The following ZNF808 variants were observed in gnomAD, a reference collection of about 807,000 sequenced individuals.
ZNF808 encodes zinc finger protein 808.
Under a neutral mutation model 8.7 loss-of-function variants are expected in ZNF808, and 5 were observed. The ratio of observed to expected loss-of-function variants is 0.58; its 90% CI spans 0.30 to 1.21. The LOEUF (loss-of-function observed/expected upper bound fraction) is 1.21. Among genes scored for constraint, ZNF808 ranks in the 50% most tolerant of loss-of-function variants. The pLI, the probability that ZNF808 is intolerant of heterozygous loss-of-function variation, is 0.07. For missense variants in ZNF808, 1,103 were observed against 1,098.4 expected (o/e 1.00, Z -0.06); for synonymous variants, 380 against 366.0 (o/e 1.04, Z -0.44).
intron 1 of ZNF808, among the ~76,000 whole-genome samples, chr19:52,531,167 C>T (rs908652024): frequency 6.6e-6 from 1 of 152,090 alleles, no homozygotes; most frequent in African/African-American, 2.4e-5. Flanking sequence ...TCTTTAATGT[C>T]TCCCTTTATA....
At chr19:52,558,354 G>C (rs547153588), downstream of ZNF808, among the ~76,000 whole-genome samples, 39 of 149,546 alleles carry the variant, frequency 2.6e-4, no homozygotes, top group African/African-American at 9.6e-4. Context: ...GAGCCACCGC[G>C]CCCGGCATCT....
intron 4 of ZNF808, among the ~76,000 whole-genome samples, chr19:52,552,394 A>G (rs2059786105): frequency 6.6e-6 from 1 of 151,062 alleles, no homozygotes; most frequent in South Asian, 2.1e-4. Flanking sequence ...TTAGAAAAAT[A>G]TTGTACTAAC....
chr19:52,550,022 A>G (rs326448), intron 4 of ZNF808, among the ~76,000 whole-genome samples: 25 of 152,038 alleles, frequency 1.6e-4, no homozygotes, highest in Non-Finnish European at 2.4e-4. Context: ...ATGTACTTCT[A>G]TCTGTTCTCC....
At chr19:52,529,911 A>ATATATAT (rs1449062502) in intron 1 of ZNF808, among the ~76,000 whole-genome samples, 13 of 81,884 alleles carry the variant, frequency 1.6e-4, no homozygotes, top group African/African-American at 6.7e-4. Context: ...ATATATATAT[A>ATATATAT]TTTTTTTTTT....
Position 52,549,247 on chromosome 19 carries a change from T to G in ZNF808, c.190+1609T>G, listed in dbSNP as rs568775759. On this transcript the variant is annotated intron_variant, in intron 4 of 4. Transcript: ENST00000359798. ...CCCGCTCATCCTCCCAATGTGCTGG[T>G]ATTACAGACATGAGCCACTGCACTC... Among the ~76,000 whole-genome samples, 17 of 152,178 alleles carry G rather than the reference T, an allele frequency of 1.1e-4. No homozygotes were observed. In the South Asian group the frequency reaches 1.2e-3, roughly 11 times the overall value.
downstream of ZNF808, among the ~76,000 whole-genome samples, chr19:52,558,410 C>T (rs1268616666): frequency 5.4e-4 from 77 of 141,762 alleles, no homozygotes; most frequent in East Asian, 1.3e-3. Context: ...CTCACTCTGT[C>T]ACCCAGGCTG....
At chr19:52,535,555 C>T (rs1177337323) in intron 2 of ZNF808, among the ~76,000 whole-genome samples, 1 of 152,106 alleles carries the variant, frequency 6.6e-6, no homozygotes, top group Non-Finnish European at 1.5e-5. Flanking sequence ...CCTCACTCCT[C>T]CCTGGCCTGA....
At chr19:52,533,538 T>C (rs79651558) in intron 2 of ZNF808, among the ~76,000 whole-genome samples, 1,973 of 151,656 alleles carry the variant, frequency 0.013, 39 homozygotes, top group African/African-American at 0.045. Context: ...GGGATGTATT[T>C]CTGAAGAACT....
intron 3 of ZNF808, among the ~76,000 whole-genome samples, chr19:52,543,728 G>T (rs1475875335): frequency 6.6e-6 from 1 of 152,194 alleles, no homozygotes; most frequent in Non-Finnish European, 1.5e-5. Context: ...GTATGTTAAT[G>T]TGCGCAGATG....
chr19:52,538,330 AATTATT>A (rs760151370), intron 2 of ZNF808, among the ~76,000 whole-genome samples: 4 of 124,444 alleles, frequency 3.2e-5, no homozygotes, highest in East Asian at 3.9e-4. Context: ...CCTACATACT[AATTATT>A]ATTATTATTA....
chr19:52,560,371 T>A (rs1207861584), downstream of ZNF808, among the ~76,000 whole-genome samples: 1 of 152,116 alleles, frequency 6.6e-6, no homozygotes, highest in Non-Finnish European at 1.5e-5. Flanking sequence ...ATATTATTAT[T>A]ATTACAGGCA....
At position 52,553,257 on chromosome 19, in the gene ZNF808, A is replaced by C. The variant is rs371506177; in HGVS notation, c.341A>C (p.Glu114Ala). The C allele has an allele frequency of 4.3e-5, 70 of 1,613,984 alleles. No homozygotes were observed. The African/African-American group carries it at 6.8e-4, about 16-fold the overall frequency. Reference protein sequence around the residue: ...QEIEKEIHNIEFQCQEDERNG... With the variant: ...QEIEKEIHNIAFQCQEDERNG... ...ATTGAGAAAGAAATTCATAACATTGAGTTTCAGTGTCAAGAAGATGAAAGA... is the reference window on the plus strand; with the variant it reads ...ATTGAGAAAGAAATTCATAACATTGCGTTTCAGTGTCAAGAAGATGAAAGA... The change falls in exon 5 of 5, where the codon GAG becomes GCG. Residue 114 changes from glutamate (E) to alanine (A), a missense_variant. Glu to Ala is a moderately radical substitution (Grantham distance 107). Transcript: ENST00000359798.
In ZNF808 at chr19:52,553,729, G is replaced by C. The variant is rs763216636; in HGVS notation, c.813G>C (p.Lys271Asn). The C allele has an allele frequency of 8.1e-6, 13 of 1,614,008 alleles. No individual in the cohort carries two copies. Among genetic ancestry groups the C allele is most frequent in the Middle Eastern group, 3.3e-4 (2 of 6,084 alleles). Residue 271 changes from lysine to asparagine, a missense_variant, in exon 5 of 5, where the codon AAG becomes AAC. Lys to Asn is a moderately conservative substitution (Grantham distance 94, BLOSUM62 0). Transcript: ENST00000359798. ...CDVCGKLFNH[K>N]QYLACHRRCH... is the part of the protein sequence containing the mutation. Reference sequence around the variant, plus strand: ...TATGTGGCAAGCTCTTTAATCACAAGCAATACCTTGCATGCCATCGTAGAT... The same window carrying C: ...TATGTGGCAAGCTCTTTAATCACAACCAATACCTTGCATGCCATCGTAGAT...
At chr19:52,558,017 C>CTTTTT (rs66789100), downstream of ZNF808, among the ~76,000 whole-genome samples, 80 of 46,362 alleles carry the variant, frequency 1.7e-3, 7 homozygotes, top group Middle Eastern at 0.014. Context: ...CTAGGTGTGG[C>CTTTTT]TTTTTTTTTT....
downstream of ZNF808, among the ~76,000 whole-genome samples, chr19:52,558,381 A>AT (rs1044855940): frequency 3.6e-5 from 4 of 110,380 alleles, no homozygotes; most frequent in Non-Finnish European, 5.7e-5. Flanking sequence ...TGTTTTATTT[A>AT]TTTTTTTTGA....
At chr19:52,543,972 A>C (rs1389676234) in intron 3 of ZNF808, among the ~76,000 whole-genome samples, 1 of 152,082 alleles carries the variant, frequency 6.6e-6, no homozygotes, top group Non-Finnish European at 1.5e-5. Flanking sequence ...CAGCCTGGCT[A>C]ACATGGTGAA....
intron 3 of ZNF808, among the ~76,000 whole-genome samples, chr19:52,562,214 C>G (rs2059860418): frequency 6.6e-6 from 1 of 152,044 alleles, no homozygotes; most frequent in Non-Finnish European, 1.5e-5. Flanking sequence ...CCTTTCCCTA[C>G]TAAAAGTACA....
At chr19:52,530,137 C>G (rs894430088) in intron 1 of ZNF808, among the ~76,000 whole-genome samples, 44 of 151,970 alleles carry the variant, frequency 2.9e-4, no homozygotes, top group Non-Finnish European at 7.4e-5. Context: ...CTCAGCTCAC[C>G]ACAACCTCCG....
At chr19:52,563,103 G>A (rs2059863123) in intron 3 of ZNF808, among the ~76,000 whole-genome samples, 1 of 152,042 alleles carries the variant, frequency 6.6e-6, no homozygotes, top group Non-Finnish European at 1.5e-5. Flanking sequence ...TTATAATGCT[G>A]TGTATTTACT....
Sources: gnomAD v4.1 joint callset for allele counts (sites outside exome capture counted in the v4.1 genomes callset) on GRCh38, gnomAD v4.1.1 for gene constraint, MANE v1.5 for transcripts, NCBI Gene and HGNC (gene_info 2026-07-23, HGNC 2026-07-21) for gene names.